TRIM71: variants seen among roughly 807,000 people sequenced by gnomAD.
TRIM71 encodes tripartite motif containing 71.
In TRIM71, 9 loss-of-function variants were observed where a neutral mutation model predicts 61.2. That is an observed-to-expected ratio of 0.15 (90% CI 0.09 to 0.26). TRIM71 has a LOEUF of 0.26. Ranked by LOEUF, TRIM71 falls within the 10% of genes least tolerant of loss-of-function variation. The pLI is 1.00. For synonymous variants in TRIM71, 645 were observed against 553.2 expected, an observed-to-expected ratio of 1.17 and a Z score of -2.33; for missense variants, 998 against 1,238.7, an observed-to-expected ratio of 0.81 and a Z score of 2.92.
intron 1 of TRIM71, among the ~76,000 whole-genome samples, chr3:32,842,156 A>C (rs1237168968): frequency 6.6e-6 from 1 of 152,252 alleles, no homozygotes; most frequent in Non-Finnish European, 1.5e-5. Context: ...GGGAATTTGC[A>C]GATTCCATCA....
intron 1 of TRIM71, among the ~76,000 whole-genome samples, chr3:32,836,815 G>T (rs951509217): frequency 6.6e-6 from 1 of 152,128 alleles, no homozygotes; most frequent in African/African-American, 2.4e-5. Context: ...CATGCTTCGT[G>T]GCCATATACT....
At chr3:32,862,312 T>C (rs1696680760) in intron 1 of TRIM71, among the ~76,000 whole-genome samples, 1 of 152,236 alleles carries the variant, frequency 6.6e-6, no homozygotes, top group Non-Finnish European at 1.5e-5. Flanking sequence ...ATTACTAGTG[T>C]ATTCTCATCT....
chr3:32,836,731 G>A lies in TRIM71; in HGVS notation c.852+17799G>A, dbSNP rs528419200. 2.0e-5 allele frequency among the ~76,000 whole-genome samples: 3 copies of A among 152,238 alleles called. No individual in the cohort carries two copies. The South Asian group carries it at 6.2e-4, about 32-fold the overall frequency. On this transcript the variant is annotated intron_variant, in intron 1 of 3. Transcript: ENST00000383763. ...GAAGCCATTCTGAAAATAGCTGTTGGCTGTGGGTGAAGAGTAGGTATATGA... is the reference window on the plus strand; with the variant it reads ...GAAGCCATTCTGAAAATAGCTGTTGACTGTGGGTGAAGAGTAGGTATATGA...
intron 1 of TRIM71, among the ~76,000 whole-genome samples, chr3:32,833,400 G>GT (rs988065937): frequency 6.6e-6 from 1 of 151,938 alleles, no homozygotes; most frequent in African/African-American, 2.4e-5. Context: ...TCAGGCCCTT[G>GT]TAGACTTCAC....
chr3:32,821,775 G>C (rs1490993270), intron 1 of TRIM71, among the ~76,000 whole-genome samples: 1 of 151,470 alleles, frequency 6.6e-6, no homozygotes, highest in East Asian at 1.9e-4. Context: ...GCTGCGTGCC[G>C]CGGGTCCCGG....
Position 32,897,200 on chromosome 3 carries a change from T to G in TRIM71, c.*5389T>G, listed in dbSNP as rs768223609. On this transcript the variant is annotated 3_prime_UTR_variant, in exon 4 of 4. Coordinates refer to ENST00000383763, the MANE Select transcript of TRIM71 (RefSeq NM_001039111.3). ...CTCGGTTGAGTCTTTTTGTCTTTTTTTTTTTTAAATAAACAATTGGGGGAA... is the reference window on the plus strand; with the variant it reads ...CTCGGTTGAGTCTTTTTGTCTTTTTGTTTTTTAAATAAACAATTGGGGGAA... 2.6e-5 allele frequency: 4 copies of G among 152,154 alleles called. No individual in the cohort carries two copies. The highest frequency in any genetic ancestry group is 5.9e-5 in the Non-Finnish European group (4 of 68,026). 9.4% of individuals were successfully genotyped at this position (152,154 alleles called of 1,614,324 possible).
chr3:32,854,913 C>T (rs1391355703), intron 1 of TRIM71, among the ~76,000 whole-genome samples: 1 of 152,140 alleles, frequency 6.6e-6, no homozygotes, highest in Non-Finnish European at 1.5e-5. Context: ...ATCTCCCTTA[C>T]CCACGGTCAG....
chr3:32,872,069 C>T (rs1696802259), intron 1 of TRIM71, among the ~76,000 whole-genome samples: 1 of 152,166 alleles, frequency 6.6e-6, no homozygotes, highest in African/African-American at 2.4e-5. Context: ...ATGGCATGAA[C>T]TCGGGAGGCA....
At chr3:32,850,617 G>A (rs1426049438) in intron 1 of TRIM71, among the ~76,000 whole-genome samples, 1 of 152,140 alleles carries the variant, frequency 6.6e-6, no homozygotes, top group African/African-American at 2.4e-5. Flanking sequence ...TGCAACCACT[G>A]GAACATAACA....
intron 1 of TRIM71, among the ~76,000 whole-genome samples, chr3:32,819,356 CAT>C (rs1347160137): frequency 2.0e-5 from 3 of 152,236 alleles, no homozygotes; most frequent in South Asian, 4.1e-4. Context: ...TTGGAAAACT[CAT>C]AGATTGTTGC....
chr3:32,865,787 CG>C (rs1559546258), intron 1 of TRIM71, among the ~76,000 whole-genome samples: 3 of 7,462 alleles, frequency 4.0e-4, no homozygotes, highest in Non-Finnish European at 1.1e-3. Context: ...ATTTGCCGCC[CG>C]CCGGCCCCCC....
At chr3:32,829,851 G>A (rs1167826466) in intron 1 of TRIM71, among the ~76,000 whole-genome samples, 1 of 150,572 alleles carries the variant, frequency 6.6e-6, no homozygotes, top group African/African-American at 2.4e-5. Context: ...ACAGTAACAT[G>A]TGTTATTGAC....
At chr3:32,826,741 C>T (rs745339196) in intron 1 of TRIM71, among the ~76,000 whole-genome samples, 1 of 151,566 alleles carries the variant, frequency 6.6e-6, no homozygotes, top group Non-Finnish European at 1.5e-5. Context: ...CCACCACACC[C>T]GGTCAGGTGA....
At chr3:32,856,480 G>C (rs1241772645) in intron 1 of TRIM71, among the ~76,000 whole-genome samples, 1 of 152,014 alleles carries the variant, frequency 6.6e-6, no homozygotes, top group Non-Finnish European at 1.5e-5. Flanking sequence ...CACTTTGAGG[G>C]CAAGGACATC....
Position 32,894,264 on chromosome 3 carries a change from A to T in TRIM71, c.*2453A>T, listed in dbSNP as rs1446432263. 1 of 152,200 alleles carries T rather than the reference A, an allele frequency of 6.6e-6. No individual in the cohort carries two copies. Among genetic ancestry groups the T allele is most frequent in the African/African-American group, 2.4e-5 (1 of 41,428 alleles). 9.4% of individuals were successfully genotyped at this position (152,200 alleles called of 1,614,324 possible). On this transcript the variant is annotated 3_prime_UTR_variant, in exon 4 of 4. Transcript: ENST00000383763. ...GGATCTTGATTAAAATCTTTTCATCATCATTTTCATTCTGCTCTTTTCTTT... is the reference window on the plus strand; with the variant it reads ...GGATCTTGATTAAAATCTTTTCATCTTCATTTTCATTCTGCTCTTTTCTTT...
chr3:32,829,816 C>T (rs945676550), intron 1 of TRIM71, among the ~76,000 whole-genome samples: 4 of 151,894 alleles, frequency 2.6e-5, no homozygotes, highest in African/African-American at 9.7e-5. Flanking sequence ...TAGTCTAGCA[C>T]TCTTTCCACA....
At chr3:32,823,483 G>A (rs1696163166) in intron 1 of TRIM71, among the ~76,000 whole-genome samples, 1 of 152,184 alleles carries the variant, frequency 6.6e-6, no homozygotes, top group African/African-American at 2.4e-5. Context: ...GGTTTTAGTG[G>A]TTTGGGGATT....
chr3:32,887,412 T>G (rs1400482501), intron 3 of TRIM71, among the ~76,000 whole-genome samples: 2 of 151,998 alleles, frequency 1.3e-5, no homozygotes, highest in African/African-American at 4.8e-5. Flanking sequence ...CTTCCTTATT[T>G]TGGATACTTT....
At chr3:32,871,364 A>G (rs1696793391) in intron 1 of TRIM71, among the ~76,000 whole-genome samples, 1 of 152,214 alleles carries the variant, frequency 6.6e-6, no homozygotes, top group Admixed American at 6.5e-5. Flanking sequence ...TCTTGAGAAG[A>G]GGGAAAGAAC....
Sources: allele counts gnomAD v4.1 joint callset (sites outside exome capture counted in the v4.1 genomes callset), GRCh38; gene constraint gnomAD v4.1.1; transcripts MANE v1.5; gene names NCBI Gene and HGNC (gene_info 2026-07-23, HGNC 2026-07-21).